Variants in TTLL8 observed in about 807,000 individuals in gnomAD.
TTLL8 encodes protein monoglycylase TTLL8.
A neutral mutation model predicts 77.8 loss-of-function variants in TTLL8; 65 were observed. The ratio of observed to expected loss-of-function variants is 0.84; its 90% CI spans 0.68 to 1.03. TTLL8 has a LOEUF of 1.03. Ranked by LOEUF, TTLL8 falls within the 50% of genes least tolerant of loss-of-function variation. TTLL8 has a pLI of 0.00. For missense variants in TTLL8, 910 were observed against 1,004.5 expected (o/e 0.91, Z 1.27); for synonymous variants, 402 against 422.8 (o/e 0.95, Z 0.60).
At chr22:50,023,556 G>A (rs2061216110) in intron 12 of TTLL8, among the ~76,000 whole-genome samples, 1 of 151,994 alleles carries the variant, frequency 6.6e-6, no homozygotes, top group African/African-American at 2.4e-5. Flanking sequence ...GTGGTAGTGT[G>A]CGCCTGTCAT....
intron 12 of TTLL8, among the ~76,000 whole-genome samples, chr22:50,027,107 G>A (rs181052426): frequency 2.6e-5 from 4 of 151,962 alleles, no homozygotes; most frequent in East Asian, 1.9e-4. Flanking sequence ...GTGGTGGTGC[G>A]CGCCTGTAGT....
intron 12 of TTLL8, among the ~76,000 whole-genome samples, chr22:50,027,948 G>A (rs1041241760): frequency 5.3e-5 from 8 of 151,910 alleles, no homozygotes; most frequent in Non-Finnish European, 1.0e-4. Flanking sequence ...CCTGACTCAC[G>A]CACGGACGCC....
intron 12 of TTLL8, among the ~76,000 whole-genome samples, chr22:50,024,976 C>T (rs1186706636): frequency 1.3e-5 from 2 of 152,124 alleles, no homozygotes; most frequent in Admixed American, 6.6e-5. Flanking sequence ...TTCCCCTGGC[C>T]CCTTGATTCT....
chr22:50,047,812 A>G (rs1030295521), intron 3 of TTLL8, among the ~76,000 whole-genome samples: 14 of 152,274 alleles, frequency 9.2e-5, no homozygotes, highest in African/African-American at 3.4e-4. Flanking sequence ...CAAAATTCCA[A>G]CCAGGCTGGG....
intron 1 of TTLL8, among the ~76,000 whole-genome samples, chr22:50,051,941 A>G (rs1465358627): frequency 6.6e-6 from 1 of 152,132 alleles, no homozygotes; most frequent in African/African-American, 2.4e-5. Context: ...CTCAAAGAAG[A>G]CCATGCCCAC....
At chr22:50,029,479 C>G (rs137895) in intron 12 of TTLL8, among the ~76,000 whole-genome samples, 67,608 of 132,198 alleles carry the variant, frequency 0.51, 18,970 homozygotes, top group Admixed American at 0.6. Context: ...CGGTGGCTCA[C>G]GCCTGTAATC....
At position 50,041,186 on chromosome 22, in the gene TTLL8, C is replaced by T. The variant is rs368751902; in HGVS notation, c.921+1G>A. On this transcript the variant is annotated splice_donor_variant, in intron 8 of 13. Coordinates refer to ENST00000266182, the Ensembl canonical transcript of TTLL8. LOFTEE classifies it high-confidence loss of function. This position sits in a 1 kb window ranked among gnomAD's most constrained non-coding sequence, Gnocchi z 4.3. Reference sequence around the variant, plus strand: ...CCAGTGGAGAGACAGACAAACCCCACCTGCCTGTCTCGGGCTGTGGGGGGC... The same window carrying T: ...CCAGTGGAGAGACAGACAAACCCCATCTGCCTGTCTCGGGCTGTGGGGGGC... The T allele has an allele frequency of 2.3e-6, 1 of 442,178 alleles. No homozygotes were observed. The highest frequency in any genetic ancestry group is 4.5e-6 in the Non-Finnish European group (1 of 224,516). 27.4% of individuals were successfully genotyped at this position (442,178 alleles called of 1,614,324 possible).
At chr22:50,046,859 C>T (rs2061415589) in intron 4 of TTLL8, among the ~76,000 whole-genome samples, 1 of 152,200 alleles carries the variant, frequency 6.6e-6, no homozygotes, top group South Asian at 2.1e-4. Flanking sequence ...CCCTGGGGTC[C>T]CACAGCCCCC....
At chr22:50,020,633 G>C (rs2061189798) in intron 12 of TTLL8, among the ~76,000 whole-genome samples, 1 of 134,950 alleles carries the variant, frequency 7.4e-6, no homozygotes, top group African/African-American at 2.9e-5. Context: ...CCCTCCATCT[G>C]ACAACGTGCA....
Position 50,034,622 on chromosome 22 carries a change from G to A in TTLL8, c.922-160C>T, listed in dbSNP as rs999366687. ...GGCTGGCCTGGCGGGAAAGGGCTGC[G>A]GGTCGGCCCAGGAAGTTCTCCCAAC... On this transcript the variant is annotated intron_variant, in intron 8 of 13. Transcript: ENST00000266182. This position sits in a 1 kb window ranked among gnomAD's most constrained non-coding sequence, Gnocchi z 4.1. 1.6e-5 allele frequency: 11 copies of A among 677,098 alleles called. No individual in the cohort carries two copies. The highest frequency in any genetic ancestry group is 1.9e-5 in the African/African-American group (1 of 52,508). The allele number at this position is 677,098 out of a possible 1,614,324, so 41.9% of individuals were successfully genotyped here.
upstream of TTLL8, chr22:50,057,024 T>C (rs938808890): frequency 5.7e-6 from 7 of 1,238,618 alleles, no homozygotes; most frequent in African/African-American, 9.3e-5. Flanking sequence ...TGTGGGGGGC[T>C]CTGGGGATGG....
intron 9 of TTLL8, 144 bp from the exon 11 acceptor site, chr22:50,033,589 G>A (rs1338198871): frequency 3.0e-6 from 2 of 662,594 alleles, no homozygotes; most frequent in Admixed American, 2.9e-5. Context: ...GGTTGGTGGG[G>A]GCGATGGGGG....
In TTLL8 at chr22:50,045,872, C is replaced by G. The variant is rs767060840; in HGVS notation, c.492G>C (p.Glu164Asp). The G allele has an allele frequency of 3.0e-6, 4 of 1,354,696 alleles. No homozygotes were observed. In the African/African-American group the frequency reaches 4.4e-5, roughly 15 times the overall value. 83.9% of individuals were successfully genotyped at this position (1,354,696 alleles called of 1,614,324 possible). Residue 164 changes from glutamate to aspartate, a missense_variant, in exon 5 of 14, where the codon GAG (glutamate) becomes GAC (aspartate). Transcript: ENST00000266182. ...CTCACTTACCCAGGAACTCCTGCTGCTCACTCTCGGTGCAGAGGCTGTAGC... is the reference window on the plus strand; with the variant it reads ...CTCACTTACCCAGGAACTCCTGCTGGTCACTCTCGGTGCAGAGGCTGTAGC...
chr22:50,027,103 G>A (rs1182015505), intron 12 of TTLL8, among the ~76,000 whole-genome samples: 1 of 152,144 alleles, frequency 6.6e-6, no homozygotes, highest in Non-Finnish European at 1.5e-5. Flanking sequence ...GGGCGTGGTG[G>A]TGCGCGCCTG....
intron 1 of TTLL8, among the ~76,000 whole-genome samples, chr22:50,053,533 A>G (rs2061455319): frequency 6.6e-6 from 1 of 152,238 alleles, no homozygotes; most frequent in African/African-American, 2.4e-5. Context: ...TGTAGCCTTA[A>G]ATGTTTATAC....
Position 50,034,218 on chromosome 22 carries a change from C to T in TTLL8, c.1039+127G>A. ...CCTGAGTCCTGACCCCCACGCCTGC[C>T]TCGGCGTTCTGCTCCCTCCCTTCCT... On this transcript the variant is annotated intron_variant, in intron 9 of 13. Coordinates refer to ENST00000266182, the Ensembl canonical transcript of TTLL8. This position sits in a 1 kb window ranked among gnomAD's most constrained non-coding sequence, Gnocchi z 4.1. The T allele has an allele frequency of 8.6e-7, 1 of 1,162,618 alleles. No individual in the cohort carries two copies. Among genetic ancestry groups the T allele is most frequent in the South Asian group, 1.5e-5 (1 of 65,020 alleles). 72.0% of individuals were successfully genotyped at this position (1,162,618 alleles called of 1,614,324 possible).
At chr22:50,029,788 C>T (rs958593437) in intron 12 of TTLL8, among the ~76,000 whole-genome samples, 2 of 151,870 alleles carry the variant, frequency 1.3e-5, no homozygotes, top group Non-Finnish European at 2.9e-5. Context: ...CCCACCACGC[C>T]CTCGCGAGGA....
At chr22:50,033,482 C>G (rs1307860917) in intron 9 of TTLL8, 37 bp from the exon 11 acceptor site, 3 of 1,337,564 alleles carry the variant, frequency 2.2e-6, no homozygotes, top group African/African-American at 3.0e-5. Flanking sequence ...CATGCACAGC[C>G]ACTGTGCAGC....
At chr22:50,022,034 C>CG in intron 12 of TTLL8, among the ~76,000 whole-genome samples, 1 of 137,200 alleles carries the variant, frequency 7.3e-6, no homozygotes, top group African/African-American at 2.8e-5. Context: ...CTTCATCTGA[C>CG]ATGCACTCCT....
Sources: allele counts gnomAD v4.1 joint callset (sites outside exome capture counted in the v4.1 genomes callset), GRCh38; gene constraint gnomAD v4.1.1; non-coding constraint Gnocchi (gnomAD v3.1); transcripts MANE v1.5; gene names NCBI Gene and HGNC (gene_info 2026-07-23, HGNC 2026-07-21).